SDCBP2: variants seen among roughly 807,000 people sequenced by gnomAD.
The protein encoded by SDCBP2 is syndecan binding protein 2.
A neutral mutation model predicts 30.7 loss-of-function variants in SDCBP2; 28 were observed. That is an observed-to-expected ratio of 0.91 (90% confidence interval 0.68 to 1.25). SDCBP2 has a LOEUF of 1.25. Among genes scored for constraint, SDCBP2 ranks in the 50% most tolerant of loss-of-function variants. The pLI is 0.00. For missense variants in SDCBP2, 399 were observed against 379.0 expected (o/e 1.05, Z -0.44); for synonymous variants, 166 against 157.3 (o/e 1.06, Z -0.41).
At position 1,312,679 on chromosome 20, in the gene SDCBP2, G is replaced by A. The variant is rs2088696317; in HGVS notation, c.468C>T (p.Asp156=). 3.1e-6 allele frequency: 5 copies of A among 1,614,092 alleles called. No individual in the cohort carries two copies. Among genetic ancestry groups the A allele is most frequent in the South Asian group, 1.1e-5 (1 of 91,074 alleles). Residue 156 remains aspartate (D), a synonymous_variant, in exon 6 of 9, where the codon GAC becomes GAT. Transcript: ENST00000360779. The stretch of plus-strand genomic sequence containing the variant: ...AGCTCCACCCAGCACAGTCACGCCC[G>A]TCAATCTGCAGGAGCTGGTCCCCAA... The part of the protein sequence containing the change: ...LRFGDQLLQI[D]GRDCAGWSSH...
chr20:1,312,771 G>A lies in SDCBP2; in HGVS notation c.385-9C>T, dbSNP rs1258761179. The A allele has an allele frequency of 1.9e-6, 3 of 1,605,232 alleles. No individual in the cohort carries two copies. Among genetic ancestry groups the A allele is most frequent in the East Asian group, 4.5e-5 (2 of 44,668 alleles). ...AACTGCACAAAGAGCCCCTGGGGGA[G>A]GCAGGGCCCCAGAGTCAGTGTCCCT... On this transcript the variant is annotated splice_polypyrimidine_tract_variant and intron_variant, in intron 5 of 8. Transcript: ENST00000360779.
At chr20:1,310,979 C>A in intron 7 of SDCBP2, 88 bp from the exon 8 acceptor site, 1 of 948,402 alleles carries the variant, frequency 1.1e-6, no homozygotes. Context: ...TCAGCATGGC[C>A]ACTGCTAGAG....
At chr20:1,322,307 T>C (rs2088859901) in intron 1 of SDCBP2, 1 of 152,210 alleles carries the variant, frequency 6.6e-6, no homozygotes, top group African/African-American at 2.4e-5. Context: ...CTGTTGAGTA[T>C]TCACCACTCT....
intron 1 of SDCBP2, chr20:1,322,384 C>G (rs1239551901): frequency 6.6e-6 from 1 of 152,188 alleles, no homozygotes; most frequent in Non-Finnish European, 1.5e-5. Flanking sequence ...ACAGGGGCTT[C>G]TCATTTGCTG....
At position 1,320,536 on chromosome 20, in the gene SDCBP2, T is replaced by A; in HGVS notation, c.-19-101A>T. On this transcript the variant is annotated intron_variant, in intron 1 of 8. Coordinates refer to ENST00000360779, the MANE Select transcript of SDCBP2 (RefSeq NM_080489.5). This position sits in a 1 kb window ranked among gnomAD's most constrained non-coding sequence, Gnocchi z 4.7. ...CAGCAAGCGGGTTGGAACTTAATAT[T>A]CAAACAGAAAGGCAGCAGGGCACTT... 1 of 897,534 alleles carries A rather than the reference T, an allele frequency of 1.1e-6. No homozygotes were observed. Among genetic ancestry groups the A allele is most frequent in the Non-Finnish European group, 1.7e-6 (1 of 571,468 alleles). 55.6% of individuals were successfully genotyped at this position (897,534 alleles called of 1,614,324 possible). A position where few individuals can be genotyped will look rare whatever the true frequency, so the allele number is the denominator to read the frequency against.
In SDCBP2 at chr20:1,310,907, G is replaced by T. The variant is rs1342134886; in HGVS notation, c.733-16C>A. ...TCTTTTTGTCCTAGGGAGGAGGCAA[G>T]TAAGCGATCACCCTAAGGATTGGGG... On this transcript the variant is annotated splice_polypyrimidine_tract_variant and intron_variant, in intron 7 of 8. Transcript: ENST00000360779. 1 of 1,602,048 alleles carries T rather than the reference G, an allele frequency of 6.2e-7. No homozygotes were observed. The highest frequency in any genetic ancestry group is 2.2e-5 in the East Asian group (1 of 44,804).
Position 1,321,663 on chromosome 20 carries a change from G to A in SDCBP2, c.-19-1228C>T, listed in dbSNP as rs2088852000. ...ATGCCCTGGCTGAAAGCCCGCCAGT[G>A]GCTTCCCTGCCTTGGGAATGTACTC... On this transcript the variant is annotated intron_variant, in intron 1 of 8. Coordinates refer to ENST00000360779, the MANE Select transcript of SDCBP2 (RefSeq NM_080489.5). The surrounding 1 kb of genome is among the most constrained non-coding windows in gnomAD (Gnocchi z 5.2). 6.6e-6 allele frequency: 1 copy of A among 152,286 alleles called. No homozygotes were observed. The highest frequency in any genetic ancestry group is 6.5e-5 in the Admixed American group (1 of 15,286). 9.4% of individuals were successfully genotyped at this position (152,286 alleles called of 1,614,324 possible). A position where few individuals can be genotyped will look rare whatever the true frequency, so the allele number is the denominator to read the frequency against.
Position 1,312,587 on chromosome 20 carries a change from C to G in SDCBP2, c.560G>C (p.Arg187Thr). ...GDKIVVVVRD[R>T]PFQRTVTMHK... ...AGGCTGCCCGGGCCTGGCTACTCAC[C>G]TGTCCCGAACCACCACGACAATCTT... Residue 187 changes from arginine (R) to threonine (T), a missense_variant and splice_region_variant, in exon 6 of 9, where the codon AGG (arginine) becomes ACG (threonine). Coordinates refer to ENST00000360779, the MANE Select transcript of SDCBP2 (RefSeq NM_080489.5). The G allele has an allele frequency of 6.2e-7, 1 of 1,613,748 alleles. No individual in the cohort carries two copies. Among genetic ancestry groups the G allele is most frequent in the Non-Finnish European group, 8.5e-7 (1 of 1,179,686 alleles).
chr20:1,315,709 C>A (rs2088766941), intron 4 of SDCBP2, among the ~76,000 whole-genome samples: 1 of 152,000 alleles, frequency 6.6e-6, no homozygotes, highest in African/African-American at 2.4e-5. Context: ...ATCTTTCGGA[C>A]TTAGGGCTAG....
chr20:1,317,584 G>A (rs1013420524), intron 4 of SDCBP2: 3 of 156,086 alleles, frequency 1.9e-5, no homozygotes, highest in Non-Finnish European at 4.3e-5. Flanking sequence ...GGTGCCATCA[G>A]TTCTTCTCAG....
chr20:1,312,157 C>G (rs2088681732), intron 7 of SDCBP2, among the ~76,000 whole-genome samples, 180 bp downstream of exon 7: 1 of 152,070 alleles, frequency 6.6e-6, no homozygotes, highest in Admixed American at 6.5e-5. Flanking sequence ...TTTGGCCTCT[C>G]AAAGCACTGG....
At position 1,312,571 on chromosome 20, in the gene SDCBP2, G is replaced by A. The variant is rs768426093; in HGVS notation, c.560+16C>T. On this transcript the variant is annotated intron_variant, in intron 6 of 8. Coordinates refer to ENST00000360779, the MANE Select transcript of SDCBP2 (RefSeq NM_080489.5). ...CTGGGGTGAGACGGAGAGGCTGCCC[G>A]GGCCTGGCTACTCACCTGTCCCGAA... 45 of 1,613,176 alleles carry A rather than the reference G, an allele frequency of 2.8e-5. No homozygotes were observed. The highest frequency in any genetic ancestry group is 7.7e-5 in the South Asian group (7 of 91,082).
Position 1,313,033 on chromosome 20 carries a change from C to A in SDCBP2, c.385-271G>T, listed in dbSNP as rs1410914720. The A allele has an allele frequency of 6.8e-6, 4 of 586,726 alleles. No individual in the cohort carries two copies. The highest frequency in any genetic ancestry group is 1.9e-5 in the African/African-American group (1 of 53,542). 36.3% of individuals were successfully genotyped at this position (586,726 alleles called of 1,614,324 possible). A position where few individuals can be genotyped will look rare whatever the true frequency, so the allele number is the denominator to read the frequency against. On this transcript the variant is annotated intron_variant, in intron 5 of 8. Transcript: ENST00000360779. The surrounding 1 kb of genome is among the most constrained non-coding windows in gnomAD (Gnocchi z 5.2). ...TACCATTCACAAAGGCATGGGCTTC[C>A]CTGGCGTCGGCTGTCTACACCGTCG...
At position 1,312,685 on chromosome 20, in the gene SDCBP2, C is replaced by A. The variant is rs1368464487; in HGVS notation, c.462G>T (p.Gln154His). 1 of 1,614,084 alleles carries A rather than the reference C, an allele frequency of 6.2e-7. No individual in the cohort carries two copies. Among genetic ancestry groups the A allele is most frequent in the African/African-American group, 1.3e-5 (1 of 74,938 alleles). Residue 154 changes from glutamine to histidine, a missense_variant, in exon 6 of 9, where the codon CAG becomes CAT. Coordinates refer to ENST00000360779, the MANE Select transcript of SDCBP2 (RefSeq NM_080489.5). ...VGLRFGDQLL[Q>H]IDGRDCAGWS... The stretch of plus-strand genomic sequence containing the variant: ...ACCCAGCACAGTCACGCCCGTCAAT[C>A]TGCAGGAGCTGGTCCCCAAAGCGCA...
At position 1,313,962 on chromosome 20, in the gene SDCBP2, G is replaced by C. The variant is rs2122510746; in HGVS notation, c.226-464C>G. 2.6e-5 allele frequency among the ~76,000 whole-genome samples: 4 copies of C among 152,242 alleles called. No individual in the cohort carries two copies. The Middle Eastern group carries it at 0.014, about 518-fold the overall frequency. ...ATTAAAGATGGTACTGGAAGACCTA[G>C]CCAGCACAGTAGGCAAGAAAAGAGG... On this transcript the variant is annotated intron_variant, in intron 4 of 8. Coordinates refer to ENST00000360779, the MANE Select transcript of SDCBP2 (RefSeq NM_080489.5). The surrounding 1 kb of genome is among the most constrained non-coding windows in gnomAD (Gnocchi z 5.2).
chr20:1,314,614 C>T (rs1349293708), intron 4 of SDCBP2, among the ~76,000 whole-genome samples: 6 of 141,730 alleles, frequency 4.2e-5, no homozygotes, highest in Non-Finnish European at 9.1e-5. Context: ...AAAAAGAGGC[C>T]GAGCTCAGTG....
chr20:1,319,422 C>A (rs2088823002), intron 3 of SDCBP2, 168 bp downstream of exon 3: 1 of 707,636 alleles, frequency 1.4e-6, no homozygotes, highest in Admixed American at 2.2e-5. Flanking sequence ...GCCCAGGTCA[C>A]CCAGGCAGTA....
intron 4 of SDCBP2, among the ~76,000 whole-genome samples, chr20:1,314,336 A>G (rs2088735703): frequency 1.3e-5 from 2 of 151,352 alleles, no homozygotes; most frequent in South Asian, 2.1e-4. Flanking sequence ...AAAAATACAA[A>G]AATTGGCTGG....
At position 1,313,810 on chromosome 20, in the gene SDCBP2, T is replaced by C. The variant is rs776862125; in HGVS notation, c.226-312A>G. 1.6e-4 allele frequency: 37 copies of C among 229,446 alleles called. No individual in the cohort carries two copies. The highest frequency in any genetic ancestry group is 2.5e-4 in the Non-Finnish European group (34 of 138,678). The allele number at this position is 229,446 out of a possible 1,614,324, so 14.2% of individuals were successfully genotyped here. On this transcript the variant is annotated intron_variant, in intron 4 of 8. Coordinates refer to ENST00000360779, the MANE Select transcript of SDCBP2 (RefSeq NM_080489.5). The surrounding 1 kb of genome is among the most constrained non-coding windows in gnomAD (Gnocchi z 5.2). ...AGCCTCCTTTAAAACCCACTTAAAA[T>C]AGAAAAAGTCACAGTAAATAGTGAG...
Sources: gnomAD v4.1 joint callset for allele counts (sites outside exome capture counted in the v4.1 genomes callset) on GRCh38, gnomAD v4.1.1 for gene constraint, Gnocchi (gnomAD v3.1) non-coding constraint, MANE v1.5 for transcripts, NCBI Gene and HGNC (gene_info 2026-07-23, HGNC 2026-07-21) for gene names.